UBASH3A: variants seen among roughly 807,000 people sequenced by gnomAD.
UBASH3A encodes ubiquitin-associated and SH3 domain-containing protein A.
A neutral mutation model predicts 73.5 loss-of-function variants in UBASH3A; 63 were observed. The observed-to-expected ratio is 0.86, with a 90% CI of 0.70 to 1.06. The LOEUF is 1.06. Ranked by LOEUF, UBASH3A falls within the 50% of genes least tolerant of loss-of-function variation. The pLI, the probability that UBASH3A is intolerant of heterozygous loss-of-function variation, is 0.00. For missense variants in UBASH3A, 860 were observed against 859.0 expected, an observed-to-expected ratio of 1.00 and a Z score of -0.02; for synonymous variants, 363 against 351.1, an observed-to-expected ratio of 1.03 and a Z score of -0.38.
At chr21:42,432,251 C>T in intron 9 of UBASH3A, 49 bp downstream of exon 9, 2 of 1,200,998 alleles carry the variant, frequency 1.7e-6, no homozygotes, top group South Asian at 2.5e-5. Context: ...GTAGATCTAA[C>T]CAATGAGATC....
chr21:42,419,478 C>G (rs773745920), intron 7 of UBASH3A, among the ~76,000 whole-genome samples: 19 of 152,238 alleles, frequency 1.2e-4, no homozygotes, highest in Non-Finnish European at 7.3e-5. Context: ...ATTAAACTCT[C>G]TGGCACACAT....
rs1424781454 is a variant in UBASH3A at position 42,409,583 on chromosome 21, A to C, written c.329A>C (p.His110Pro). The C allele has an allele frequency of 4.3e-6, 7 of 1,612,534 alleles. No homozygotes were observed. In the East Asian group the frequency reaches 1.6e-4, roughly 36 times the overall value. Residue 110 changes from histidine (H) to proline (P), a missense_variant, in exon 3 of 15, where the codon CAC (histidine) becomes CCC (proline). His to Pro is a moderately conservative substitution (Grantham distance 77). Transcript: ENST00000319294. ...AACAGAGCTCATGAGGTCTTCCCAC[A>C]CGTGACACTCTGTGACTTCTTCACG... ...AKNRAHEVFP[H>P]VTLCDFFTCE... is the part of the protein sequence containing the mutation.
rs1169819121 is a variant in UBASH3A, at chr21:42,443,397, G to A, written c.1717G>A (p.Val573Ile). The A allele has an allele frequency of 9.9e-6, 16 of 1,611,224 alleles. 1 individual carries two copies. Among genetic ancestry groups the A allele is most frequent in the East Asian group, 2.2e-5 (1 of 44,718 alleles). Residue 573 changes from valine (V) to isoleucine (I), a missense_variant, in exon 13 of 15, where the codon GTC (valine) becomes ATC (isoleucine). Transcript: ENST00000319294. ...DRCTASMVQI[V>I]NTCPQDTGVI... The stretch of plus-strand genomic sequence containing the variant: ...GTGCACGGCGAGCATGGTGCAAATC[G>A]TCAACACCTGTCCACAGGACAGTAA...
In UBASH3A at chr21:42,416,488, C is replaced by T. The variant is rs377429377; in HGVS notation, c.714C>T (p.Ala238=). Residue 238 remains alanine (A), a synonymous_variant, in exon 6 of 15, where the codon GCC becomes GCT. Transcript: ENST00000319294. ...CCAAACAGCTGCATCTGACCTTGGCCCACAAGTTCTACCCCCACCACCAGA... is the reference window on the plus strand; with the variant it reads ...CCAAACAGCTGCATCTGACCTTGGCTCACAAGTTCTACCCCCACCACCAGA... ...PCTKQLHLTL[A]HKFYPHHQRT... is the part of the protein sequence containing the mutation. 1 of 1,603,740 alleles carries T rather than the reference C, an allele frequency of 6.2e-7. No homozygotes were observed. The highest frequency in any genetic ancestry group is 8.5e-7 in the Non-Finnish European group (1 of 1,175,604).
intron 2 of UBASH3A, 106 bp from the exon 3 acceptor site, chr21:42,409,316 C>A: frequency 8.8e-7 from 1 of 1,137,094 alleles, no homozygotes; most frequent in Non-Finnish European, 1.2e-6. Flanking sequence ...CTTCAGTGTG[C>A]CCTATAATTC....
At chr21:42,445,450 C>A (rs1568944616) in intron 14 of UBASH3A, among the ~76,000 whole-genome samples, 1 of 152,344 alleles carries the variant, frequency 6.6e-6, no homozygotes, top group East Asian at 1.9e-4. Context: ...CCACACTGGC[C>A]ACAGCTTGTT....
chr21:42,423,831 T>C (rs1361819051), intron 7 of UBASH3A, among the ~76,000 whole-genome samples: 1 of 152,028 alleles, frequency 6.6e-6, no homozygotes, highest in African/African-American at 2.4e-5. Context: ...GTGCTGTGGG[T>C]TGTCTGATTG....
intron 11 of UBASH3A, among the ~76,000 whole-genome samples, chr21:42,441,995 T>C (rs922192940): frequency 2.6e-5 from 4 of 152,228 alleles, no homozygotes; most frequent in African/African-American, 9.6e-5. Flanking sequence ...TCTTCACCTC[T>C]TGCCCCGTCT....
chr21:42,424,404 T>C (rs2053398806), intron 7 of UBASH3A, among the ~76,000 whole-genome samples: 1 of 152,234 alleles, frequency 6.6e-6, no homozygotes, highest in Admixed American at 6.5e-5. Flanking sequence ...TCTTTGGACT[T>C]ATCTACCGCA....
At position 42,421,461 on chromosome 21, in the gene UBASH3A, T is replaced by G. The variant is rs1456395148; in HGVS notation, c.1046+2852T>G. On this transcript the variant is annotated intron_variant, in intron 7 of 14. Coordinates refer to ENST00000319294, the MANE Select transcript of UBASH3A (RefSeq NM_018961.4). ...TATTTCACTCATTTGTTTAATTCTC[T>G]CCTAAAATGCTCCACAGCTTCTCTA... 2.0e-5 allele frequency among the ~76,000 whole-genome samples: 3 copies of G among 152,344 alleles called. No homozygotes were observed. In the East Asian group the frequency reaches 5.8e-4, roughly 29 times the overall value.
chr21:42,412,489 G>A (rs2053120224), intron 3 of UBASH3A, among the ~76,000 whole-genome samples: 1 of 152,188 alleles, frequency 6.6e-6, no homozygotes, highest in Non-Finnish European at 1.5e-5. Context: ...GAGGAGGAGA[G>A]GGTTGGAGGC....
chr21:42,410,686 G>C (rs1291447488), intron 3 of UBASH3A: 1 of 156,454 alleles, frequency 6.4e-6, no homozygotes, highest in East Asian at 1.9e-4. Context: ...GAGCCAACGG[G>C]GAAAGGCAAG....
chr21:42,408,631 T>A (rs2053025422), intron 2 of UBASH3A, among the ~76,000 whole-genome samples: 1 of 152,212 alleles, frequency 6.6e-6, no homozygotes, highest in African/African-American at 2.4e-5. Context: ...AAAAAATCTT[T>A]GTGAACTTGA....
chr21:42,425,358 A>G (rs1209136196), intron 7 of UBASH3A, among the ~76,000 whole-genome samples: 1 of 152,228 alleles, frequency 6.6e-6, no homozygotes, highest in East Asian at 1.9e-4. Context: ...TCATCAGTTG[A>G]TAGCAAAGCC....
intron 9 of UBASH3A, among the ~76,000 whole-genome samples, chr21:42,432,435 T>A (rs1030442867): frequency 6.6e-6 from 1 of 152,232 alleles, no homozygotes; most frequent in African/African-American, 2.4e-5. Flanking sequence ...TTAACTGATG[T>A]AATTTTTGGC....
chr21:42,436,030 A>G (rs1386876720), intron 10 of UBASH3A, among the ~76,000 whole-genome samples: 1 of 107,238 alleles, frequency 9.3e-6, no homozygotes. Context: ...TAGAGTCATA[A>G]AATTATAGAG....
chr21:42,405,249 G>A (rs1298978938), intron 1 of UBASH3A, among the ~76,000 whole-genome samples: 5 of 152,204 alleles, frequency 3.3e-5, no homozygotes, highest in East Asian at 3.9e-4. Flanking sequence ...GGCGGCCACC[G>A]GGCACCGTCC....
At chr21:42,432,481 G>T (rs188602584) in intron 9 of UBASH3A, among the ~76,000 whole-genome samples, 2 of 138,234 alleles carry the variant, frequency 1.4e-5, no homozygotes, top group East Asian at 3.9e-4. Flanking sequence ...TCTTGAACAT[G>T]CCTCTTGCAC....
Position 42,437,516 on chromosome 21 carries a change from A to G in UBASH3A, c.1422A>G (p.Arg474=). Residue 474 remains arginine (R), a synonymous_variant, in exon 11 of 15, where the codon AGA becomes AGG. Coordinates refer to ENST00000319294, the MANE Select transcript of UBASH3A (RefSeq NM_018961.4). The part of the protein sequence containing the change: ...AGDALLDSGI[R]ISSVFASPAL... ...ACGCGCTACTGGACAGTGGTATCAG[A>G]ATCAGCTCTGTGTTTGCCTCCCCAG... The G allele has an allele frequency of 1.9e-6, 3 of 1,614,250 alleles. No homozygotes were observed. Among genetic ancestry groups the G allele is most frequent in the Non-Finnish European group, 2.5e-6 (3 of 1,180,040 alleles).
Sources: gnomAD v4.1 joint callset for allele counts (sites outside exome capture counted in the v4.1 genomes callset) on GRCh38, gnomAD v4.1.1 for gene constraint, MANE v1.5 for transcripts, NCBI Gene and HGNC (gene_info 2026-07-23, HGNC 2026-07-21) for gene names.